The following SRRM3 variants were observed in gnomAD, a reference collection of about 807,000 sequenced individuals.
SRRM3 encodes the protein serine/arginine repetitive matrix 3.
Under a neutral mutation model 66.2 loss-of-function variants are expected in SRRM3, and 27 were observed. The ratio of observed to expected loss-of-function variants is 0.41; its 90% CI spans 0.30 to 0.56. The LOEUF (loss-of-function observed/expected upper bound fraction) is 0.56. Ranked by LOEUF, SRRM3 falls within the 20% of genes least tolerant of loss-of-function variation. The probability of loss-of-function intolerance (pLI) is 0.32; values close to 1 mark genes in which losing one functional copy is unlikely to be tolerated. For missense variants in SRRM3, 918 were observed against 991.9 expected, an observed-to-expected ratio of 0.93 and a Z score of 1.00; for synonymous variants, 391 against 414.9, an observed-to-expected ratio of 0.94 and a Z score of 0.70.
At chr7:76,255,522 G>C (rs1801693296) in intron 3 of SRRM3, among the ~76,000 whole-genome samples, 1 of 152,132 alleles carries the variant, frequency 6.6e-6, no homozygotes, top group East Asian at 1.9e-4. Context: ...GCTCACTGCA[G>C]CCTCAAACTC....
intron 1 of SRRM3, among the ~76,000 whole-genome samples, chr7:76,215,860 C>T (rs1302163958): frequency 7.8e-5 from 11 of 140,220 alleles, no homozygotes; most frequent in Admixed American, 1.5e-4. Flanking sequence ...TGCAGTGGTG[C>T]GATCTTGGCT....
Position 76,234,914 on chromosome 7 carries a change from C to G in SRRM3, c.-39-114C>G, listed in dbSNP as rs535049278. Reference sequence around the variant, plus strand: ...CTTCCCTCTGCACCAGGAAAGGAAGCGGATTAGAGCCATGAGTGTGCCCTT... The same window carrying G: ...CTTCCCTCTGCACCAGGAAAGGAAGGGGATTAGAGCCATGAGTGTGCCCTT... On this transcript the variant is annotated intron_variant, in intron 1 of 14. Coordinates refer to ENST00000611745, the MANE Select transcript of SRRM3 (RefSeq NM_001110199.3). 15 of 656,560 alleles carry G rather than the reference C, an allele frequency of 2.3e-5. No homozygotes were observed. In the East Asian group the frequency reaches 2.8e-4, roughly 12 times the overall value. 40.7% of individuals were successfully genotyped at this position (656,560 alleles called of 1,614,324 possible). A position where few individuals can be genotyped will look rare whatever the true frequency, so the allele number is the denominator to read the frequency against.
At chr7:76,245,610 CA>C (rs1350862688) in intron 2 of SRRM3, among the ~76,000 whole-genome samples, 1 of 152,144 alleles carries the variant, frequency 6.6e-6, no homozygotes, top group African/African-American at 2.4e-5. Flanking sequence ...TTAAGTTATT[CA>C]AAAATATACA....
At chr7:76,264,037 AC>A (rs1260886036) in intron 8 of SRRM3, among the ~76,000 whole-genome samples, 17 of 151,674 alleles carry the variant, frequency 1.1e-4, no homozygotes, top group African/African-American at 4.1e-4. Context: ...ACACCCCAAT[AC>A]TCAAGGGAAT....
At chr7:76,282,616 G>A in intron 12 of SRRM3, 32 bp from the exon 13 acceptor site, 2 of 1,270,942 alleles carry the variant, frequency 1.6e-6, no homozygotes, top group Non-Finnish European at 2.0e-6. Context: ...CCGGGTCGCT[G>A]AGCCCTATCC....
chr7:76,221,042 G>A (rs1482174253), intron 1 of SRRM3, among the ~76,000 whole-genome samples: 2 of 150,740 alleles, frequency 1.3e-5, no homozygotes, highest in African/African-American at 4.9e-5. Context: ...TCCCTGCAGT[G>A]TCTTCTTACC....
At chr7:76,235,675 G>T (rs1483299626) in intron 2 of SRRM3, among the ~76,000 whole-genome samples, 2 of 151,922 alleles carry the variant, frequency 1.3e-5, no homozygotes, top group Admixed American at 1.3e-4. Flanking sequence ...AGATCAGCCT[G>T]CCTAACATGG....
chr7:76,249,379 C>CA (rs34280992), intron 3 of SRRM3, among the ~76,000 whole-genome samples: 1,385 of 135,700 alleles, frequency 0.01, 22 homozygotes, highest in African/African-American at 0.026. Flanking sequence ...GACTCTGTCT[C>CA]AAAAAAAAAA....
chr7:76,224,870 C>T (rs1800817267), intron 1 of SRRM3, among the ~76,000 whole-genome samples: 1 of 152,054 alleles, frequency 6.6e-6, no homozygotes, highest in Non-Finnish European at 1.5e-5. Context: ...TGAGGACTTC[C>T]CGAGTAAAAA....
At chr7:76,275,591 T>C (rs1352905298) in intron 11 of SRRM3, among the ~76,000 whole-genome samples, 1 of 149,540 alleles carries the variant, frequency 6.7e-6, no homozygotes, top group African/African-American at 2.5e-5. Flanking sequence ...AAGAGGAGGG[T>C]CCGTCCTTGA....
At chr7:76,205,397 A>G (rs1554601028) in intron 1 of SRRM3, among the ~76,000 whole-genome samples, 3 of 151,970 alleles carry the variant, frequency 2.0e-5, no homozygotes, top group Non-Finnish European at 4.4e-5. Context: ...TTTAGTAGAG[A>G]TGGGGTTTTG....
At chr7:76,220,335 G>A (rs1017999066) in intron 1 of SRRM3, among the ~76,000 whole-genome samples, 1 of 152,206 alleles carries the variant, frequency 6.6e-6, no homozygotes, top group Non-Finnish European at 1.5e-5. Flanking sequence ...CGGAGGAGGT[G>A]ATGCTTGAGC....
intron 1 of SRRM3, among the ~76,000 whole-genome samples, chr7:76,210,027 G>A (rs1221330197): frequency 6.6e-6 from 1 of 152,240 alleles, no homozygotes; most frequent in Non-Finnish European, 1.5e-5. Flanking sequence ...AGGCAGAGAG[G>A]GAAAGGAAGA....
At chr7:76,274,537 CCTT>C (rs1802293481) in intron 11 of SRRM3, among the ~76,000 whole-genome samples, 2 of 152,318 alleles carry the variant, frequency 1.3e-5, no homozygotes, top group South Asian at 2.1e-4. Flanking sequence ...GACAGGGGCT[CCTT>C]CTACCCTCAG....
chr7:76,214,929 TC>T (rs1800521778), intron 1 of SRRM3, among the ~76,000 whole-genome samples: 2 of 150,562 alleles, frequency 1.3e-5, no homozygotes, highest in African/African-American at 4.9e-5. Context: ...CCTTCCTCCA[TC>T]CCCAAGGGCT....
chr7:76,222,546 C>T (rs1279610083), intron 1 of SRRM3, among the ~76,000 whole-genome samples: 1 of 151,040 alleles, frequency 6.6e-6, no homozygotes, highest in Non-Finnish European at 1.5e-5. Context: ...GTCTGAAGGC[C>T]CTGGGGACCT....
intron 2 of SRRM3, among the ~76,000 whole-genome samples, chr7:76,237,337 C>T (rs1030011806): frequency 1.2e-4 from 18 of 152,062 alleles, no homozygotes; most frequent in African/African-American, 4.1e-4. Flanking sequence ...AACCCGGAGG[C>T]GGAGGTTGCA....
At chr7:76,244,035 A>T (rs782195189) in intron 2 of SRRM3, among the ~76,000 whole-genome samples, 1 of 152,132 alleles carries the variant, frequency 6.6e-6, no homozygotes, top group Non-Finnish European at 1.5e-5. Flanking sequence ...CTGAGGAGCC[A>T]GGGCCCTGAA....
At chr7:76,215,890 C>A (rs559896806) in intron 1 of SRRM3, among the ~76,000 whole-genome samples, 52 of 150,718 alleles carry the variant, frequency 3.5e-4, no homozygotes, top group African/African-American at 1.3e-3. Flanking sequence ...CTCCGCCTCC[C>A]GGGTTCATGC....
Sources: allele counts gnomAD v4.1 joint callset (sites outside exome capture counted in the v4.1 genomes callset), GRCh38; gene constraint gnomAD v4.1.1; transcripts MANE v1.5; gene names NCBI Gene and HGNC (gene_info 2026-07-23, HGNC 2026-07-21).